Variants in MEGF6 observed in about 807,000 individuals in gnomAD.
The protein encoded by MEGF6 is multiple epidermal growth factor-like domains protein 6.
In MEGF6, 184 loss-of-function variants were observed where a neutral mutation model predicts 207.1. That is an observed-to-expected ratio of 0.89 (90% CI 0.79 to 1.00). The LOEUF is 1.00. Ranked by LOEUF, MEGF6 falls within the 50% of genes least tolerant of loss-of-function variation. The pLI, the probability that MEGF6 is intolerant of heterozygous loss-of-function variation, is 0.00. For missense variants in MEGF6, 2,282 were observed against 2,202.9 expected (o/e 1.04, Z -0.72); for synonymous variants, 1,038 against 910.0 (o/e 1.14, Z -2.53).
At chr1:3,494,228 C>A in intron 32 of MEGF6, 104 bp from the exon 33 acceptor site, 1 of 1,477,346 alleles carries the variant, frequency 6.8e-7, no homozygotes, top group Non-Finnish European at 9.0e-7. Context: ...GAGAAAAGCC[C>A]CCTCCTGCCC....
the MEGF6 span, among the ~76,000 whole-genome samples, chr1:3,618,542 G>A: frequency 2.6e-5 from 4 of 152,166 alleles, no homozygotes; most frequent in Admixed American, 2.0e-4. This position sits in a 1 kb window ranked among gnomAD's most constrained non-coding sequence, Gnocchi z 4.7. Context: ...GCACGAGAAT[G>A]ACACCCCTGC....
intron 4 of MEGF6, 135 bp downstream of exon 4, chr1:3,579,690 C>A (rs1004174855): frequency 5.3e-6 from 3 of 570,522 alleles, no homozygotes; most frequent in Non-Finnish European, 8.6e-6. Context: ...GCGGAATGTC[C>A]TCAGAAGAAT....
chr1:3,527,678 C>T (rs1028773137), intron 4 of MEGF6, among the ~76,000 whole-genome samples: 3 of 152,220 alleles, frequency 2.0e-5, no homozygotes, highest in African/African-American at 7.2e-5. Context: ...CAATGAGAGT[C>T]AGCTGGGGGC....
At chr1:3,550,741 C>G (rs911821152) in intron 4 of MEGF6, among the ~76,000 whole-genome samples, 1 of 152,372 alleles carries the variant, frequency 6.6e-6, no homozygotes, top group African/African-American at 2.4e-5. Flanking sequence ...CGGGGCAGGG[C>G]TCCGAAGACC....
intron 4 of MEGF6, among the ~76,000 whole-genome samples, chr1:3,542,078 G>A (rs914869652): frequency 3.9e-5 from 6 of 152,154 alleles, no homozygotes; most frequent in African/African-American, 7.2e-5. Context: ...CGGCCTGGCC[G>A]CCTCCCCCAA....
Position 3,496,660 on chromosome 1 carries a change from T to G in MEGF6, c.3737A>C (p.Asn1246Thr). The G allele has an allele frequency of 6.3e-7, 1 of 1,575,268 alleles. No individual in the cohort carries two copies. Among genetic ancestry groups the G allele is most frequent in the Non-Finnish European group, 8.6e-7 (1 of 1,160,910 alleles). Residue 1246 changes from asparagine (N) to threonine (T), a missense_variant, in exon 29 of 37, where the codon AAC (asparagine) becomes ACC (threonine). Coordinates refer to ENST00000356575, the MANE Select transcript of MEGF6 (RefSeq NM_001409.4). ...TGCTGCCACCAGCCACTCACTGAGG[T>G]TGCAGTCCGTCCCGAGGAACCCAGT... Reference protein sequence around the residue: ...CPTGFLGTDCNLTCPQGRFGP... With the variant: ...CPTGFLGTDCTLTCPQGRFGP...
At chr1:3,531,611 G>A (rs953119523) in intron 4 of MEGF6, among the ~76,000 whole-genome samples, 9 of 152,200 alleles carry the variant, frequency 5.9e-5, no homozygotes, top group Admixed American at 3.3e-4. Flanking sequence ...ACGCAGATAG[G>A]GACCTAGGCA....
intron 3 of MEGF6, among the ~76,000 whole-genome samples, chr1:3,580,299 C>T (rs1364953653): frequency 6.6e-6 from 1 of 151,944 alleles, no homozygotes; most frequent in African/African-American, 2.4e-5. Context: ...GCCCAGTGGT[C>T]AGCGCTGCAC....
chr1:3,509,727 A>T, intron 11 of MEGF6, 143 bp downstream of exon 11: 2 of 1,155,742 alleles, frequency 1.7e-6, no homozygotes, highest in Non-Finnish European at 2.4e-6. Flanking sequence ...AGAGCCTCTG[A>T]GGTGTGTTGG....
intron 4 of MEGF6, among the ~76,000 whole-genome samples, chr1:3,564,701 C>G (rs1235309999): frequency 6.6e-6 from 1 of 152,160 alleles, no homozygotes; most frequent in Non-Finnish European, 1.5e-5. Context: ...GGGTATGGCC[C>G]CCACTCCCTT....
chr1:3,585,539 G>T (rs1195071953), intron 3 of MEGF6, among the ~76,000 whole-genome samples: 16 of 140,258 alleles, frequency 1.1e-4, no homozygotes, highest in East Asian at 9.3e-4. Context: ...TTGTGGGTGT[G>T]ACACATGTCC....
At chr1:3,526,230 G>T (rs1302582402) in intron 4 of MEGF6, among the ~76,000 whole-genome samples, 3 of 152,190 alleles carry the variant, frequency 2.0e-5, no homozygotes, top group Non-Finnish European at 2.9e-5. Context: ...GGCCAGAGAG[G>T]CCAAGGCTAA....
At chr1:3,522,648 G>C (rs1357484358) in intron 5 of MEGF6, among the ~76,000 whole-genome samples, 1 of 151,996 alleles carries the variant, frequency 6.6e-6, no homozygotes, top group Non-Finnish European at 1.5e-5. Context: ...CCCTTTTGAG[G>C]GTTTCAGGGA....
Position 3,500,601 on chromosome 1 carries a change from G to A in MEGF6, c.2707+32C>T, listed in dbSNP as rs1640815746. ...TATGTGTGCGTGTGCGCACTCAGGAGGGTGGCAGCCAAAGGCAGGGCCGGG... is the reference window on the plus strand; with the variant it reads ...TATGTGTGCGTGTGCGCACTCAGGAAGGTGGCAGCCAAAGGCAGGGCCGGG... On this transcript the variant is annotated intron_variant, in intron 21 of 36. Transcript: ENST00000356575. 9 of 1,537,198 alleles carry A rather than the reference G, an allele frequency of 5.9e-6. No individual in the cohort carries two copies. In the East Asian group the frequency reaches 7.3e-5, roughly 13 times the overall value.
At chr1:3,495,855 G>A (rs1640575391) in intron 30 of MEGF6, 35 bp downstream of exon 30, 1 of 1,591,420 alleles carries the variant, frequency 6.3e-7, no homozygotes, top group Non-Finnish European at 8.5e-7. Flanking sequence ...CTCTGTGAAG[G>A]GCCTGTGAGC....
intron 3 of MEGF6, among the ~76,000 whole-genome samples, chr1:3,589,428 A>G (rs942364647): frequency 4.0e-5 from 6 of 150,868 alleles, no homozygotes; most frequent in Non-Finnish European, 5.9e-5. Flanking sequence ...AGGGCCCCGC[A>G]CCTTCTGTTC....
chr1:3,501,247 A>C lies in MEGF6; in HGVS notation c.2376T>G (p.Ala792=), dbSNP rs1329672261. The change falls in exon 19 of 37, where the codon GCT becomes GCG. Residue 792 remains alanine, a synonymous_variant. Coordinates refer to ENST00000356575, the MANE Select transcript of MEGF6 (RefSeq NM_001409.4). ...CQEICPACQH[A]ARCDPETGAC... is the part of the protein sequence containing the mutation. Reference sequence around the variant, plus strand: ...CTCCGGTCTCAGGGTCGCAGCGGGCAGCGTGCTGGCATGCTGGGCAGATCT... The same window carrying C: ...CTCCGGTCTCAGGGTCGCAGCGGGCCGCGTGCTGGCATGCTGGGCAGATCT... The C allele has an allele frequency of 2.5e-6, 4 of 1,610,492 alleles. No individual in the cohort carries two copies. Among genetic ancestry groups the C allele is most frequent in the Non-Finnish European group, 3.4e-6 (4 of 1,179,088 alleles).
At chr1:3,585,927 CAT>C (rs1188846684) in intron 3 of MEGF6, among the ~76,000 whole-genome samples, 2 of 126,236 alleles carry the variant, frequency 1.6e-5, no homozygotes, top group African/African-American at 6.4e-5. Flanking sequence ...GTGAGTGACA[CAT>C]GTCCTGTGTG....
intron 14 of MEGF6, among the ~76,000 whole-genome samples, chr1:3,507,283 G>A (rs888796010): frequency 1.3e-5 from 2 of 152,216 alleles, no homozygotes; most frequent in Non-Finnish European, 2.9e-5. Context: ...AAATGATGAA[G>A]TCTGAAGACT....
Sources: allele counts gnomAD v4.1 joint callset (sites outside exome capture counted in the v4.1 genomes callset), GRCh38; gene constraint gnomAD v4.1.1; non-coding constraint Gnocchi (gnomAD v3.1); transcripts MANE v1.5; gene names NCBI Gene and HGNC (gene_info 2026-07-23, HGNC 2026-07-21).